Variants in RTN4 observed in about 807,000 individuals in gnomAD.
RTN4 encodes the protein reticulon-4.
In RTN4, 32 loss-of-function variants were observed where a neutral mutation model predicts 90.4. That is an observed-to-expected ratio of 0.35 (90% CI 0.27 to 0.48). The LOEUF is 0.48. Ranked by LOEUF, RTN4 falls within the 20% of genes least tolerant of loss-of-function variation. The pLI, the probability that RTN4 is intolerant of heterozygous loss-of-function variation, is 0.99. For missense variants in RTN4, 1,706 were observed against 1,430.2 expected (o/e 1.19, Z -3.11); for synonymous variants, 629 against 552.5 (o/e 1.14, Z -1.94).
intron 3 of RTN4, among the ~76,000 whole-genome samples, chr2:54,995,675 A>G (rs1182684555): frequency 6.6e-6 from 1 of 152,102 alleles, no homozygotes; most frequent in Non-Finnish European, 1.5e-5. Context: ...GCAGGAACCA[A>G]CCCTGGACAG....
chr2:55,078,173 T>C lies in RTN4; in HGVS notation c.-63+2316A>G, dbSNP rs182167895. Among the ~76,000 whole-genome samples, 50 of 152,206 alleles carry C rather than the reference T, an allele frequency of 3.3e-4. 1 individual carries two copies. Among genetic ancestry groups the C allele is most frequent in the African/African-American group, 1.1e-3 (44 of 41,552 alleles). On this transcript the variant is annotated intron_variant, in intron 2 of 3. Transcript: ENST00000427710. ...ACACAACCTTTTCCCAAAAAACCTATTGAAATAAAAAAAAAATTTAAAAGA... is the reference window on the plus strand; with the variant it reads ...ACACAACCTTTTCCCAAAAAACCTACTGAAATAAAAAAAAAATTTAAAAGA...
intron 3 of RTN4, among the ~76,000 whole-genome samples, chr2:54,993,336 G>T (rs981496907): frequency 2.0e-5 from 3 of 152,028 alleles, no homozygotes; most frequent in Non-Finnish European, 4.4e-5. Context: ...TTCCCAGTAG[G>T]CTTTCCTATT....
At chr2:55,095,454 T>C (rs539133333) in intron 1 of RTN4, among the ~76,000 whole-genome samples, 1 of 152,258 alleles carries the variant, frequency 6.6e-6, no homozygotes, top group Non-Finnish European at 1.5e-5. Context: ...CCATTTGTTA[T>C]AATTGATGAA....
chr2:55,072,149 A>T (rs1402551835), intron 2 of RTN4, among the ~76,000 whole-genome samples: 42 of 148,680 alleles, frequency 2.8e-4, no homozygotes, highest in East Asian at 1.2e-3. Flanking sequence ...GTTTTTAGTT[A>T]TTTTTTTTTT....
chr2:55,044,059 G>A (rs1051196179), intron 1 of RTN4, among the ~76,000 whole-genome samples: 2 of 151,952 alleles, frequency 1.3e-5, no homozygotes, highest in Admixed American at 1.3e-4. Context: ...AGCCGGGCGT[G>A]GTGGTACGTG....
intron 3 of RTN4, among the ~76,000 whole-genome samples, chr2:55,024,150 C>T (rs1036852126): frequency 2.0e-5 from 3 of 152,156 alleles, no homozygotes; most frequent in Non-Finnish European, 4.4e-5. Context: ...CTCATACTGC[C>T]ACCCATACAA....
In RTN4 at chr2:55,069,749, C is replaced by T. The variant is rs146349528; in HGVS notation, c.-63+10740G>A. Among the ~76,000 whole-genome samples the T allele has an allele frequency of 5.3e-3, 802 of 152,340 alleles. 1 individual carries two copies. Among genetic ancestry groups the T allele is most frequent in the Non-Finnish European group, 8.5e-3 (581 of 68,026 alleles). Reference sequence around the variant, plus strand: ...GGCACCTGCAGGGCCTGCACCTCCACCCATCACCCAATGTCCACGAAGTTC... The same window carrying T: ...GGCACCTGCAGGGCCTGCACCTCCATCCATCACCCAATGTCCACGAAGTTC... On this transcript the variant is annotated intron_variant, in intron 2 of 3. Coordinates refer to the RTN4 transcript ENST00000427710.
intron 1 of RTN4, 111 bp downstream of exon 1, chr2:55,049,630 GCAGA>G (rs1667981796): frequency 1.3e-6 from 2 of 1,499,986 alleles, no homozygotes; most frequent in Non-Finnish European, 1.8e-6. Context: ...CCCGAAGTCC[GCAGA>G]CAAAGCGCCC....
intron 3 of RTN4, among the ~76,000 whole-genome samples, chr2:55,018,998 A>G (rs1266156081): frequency 6.6e-6 from 1 of 152,154 alleles, no homozygotes; most frequent in Non-Finnish European, 1.5e-5. Flanking sequence ...ATATTTTGTT[A>G]GGCTAGAAAG....
intron 1 of RTN4, among the ~76,000 whole-genome samples, chr2:55,104,167 C>A (rs1028195896): frequency 1.3e-5 from 2 of 151,260 alleles, no homozygotes; most frequent in African/African-American, 2.4e-5. Flanking sequence ...TCTCCTGGGT[C>A]AGCCTCCCCA....
At chr2:55,036,290 G>C (rs1016289121) in intron 1 of RTN4, among the ~76,000 whole-genome samples, 19 of 152,128 alleles carry the variant, frequency 1.2e-4, no homozygotes, top group Middle Eastern at 3.4e-3. Flanking sequence ...AGGAAGGTGA[G>C]GTTGGTTTAA....
At chr2:55,048,852 G>A (rs1350242846) in intron 1 of RTN4, among the ~76,000 whole-genome samples, 2 of 152,164 alleles carry the variant, frequency 1.3e-5, no homozygotes, top group African/African-American at 2.4e-5. Context: ...CTTTAGGAAT[G>A]TCAACCATTT....
intron 1 of RTN4, chr2:55,048,949 G>T: frequency 4.5e-6 from 1 of 222,534 alleles, no homozygotes; most frequent in Non-Finnish European, 7.6e-6. Flanking sequence ...CTCCGACCCT[G>T]CAGCTGAAAC....
intron 5 of RTN4, among the ~76,000 whole-genome samples, chr2:54,975,608 C>A (rs1428111407): frequency 6.6e-6 from 1 of 152,174 alleles, no homozygotes; most frequent in East Asian, 1.9e-4. Context: ...GTACACCACC[C>A]ACTCTTAGCT....
At chr2:55,018,432 T>C (rs988931163) in intron 3 of RTN4, among the ~76,000 whole-genome samples, 1 of 152,146 alleles carries the variant, frequency 6.6e-6, no homozygotes, top group African/African-American at 2.4e-5. Context: ...AACAAACTAA[T>C]ACAAGTAATC....
At chr2:55,029,042 G>C (rs925241721) in intron 1 of RTN4, among the ~76,000 whole-genome samples, 22 of 152,288 alleles carry the variant, frequency 1.4e-4, no homozygotes, top group African/African-American at 4.3e-4. Context: ...GAGGTGATTA[G>C]GGTTAAATGC....
At chr2:55,002,206 G>A (rs1679898656) in intron 3 of RTN4, among the ~76,000 whole-genome samples, 2 of 151,900 alleles carry the variant, frequency 1.3e-5, no homozygotes, top group Admixed American at 1.3e-4. Context: ...CCATAGGCGT[G>A]CACCACCACA....
chr2:55,080,002 G>T (rs1316825679), intron 2 of RTN4, among the ~76,000 whole-genome samples: 1 of 152,108 alleles, frequency 6.6e-6, no homozygotes, highest in African/African-American at 2.4e-5. Context: ...GTAAACATTT[G>T]CTAGCATTAT....
At chr2:55,072,743 A>T (rs937010953) in intron 2 of RTN4, among the ~76,000 whole-genome samples, 2 of 152,198 alleles carry the variant, frequency 1.3e-5, no homozygotes, top group Non-Finnish European at 2.9e-5. Context: ...TAATTTTGAA[A>T]TTCCCCAAAG....
Sources: allele counts gnomAD v4.1 joint callset (sites outside exome capture counted in the v4.1 genomes callset), GRCh38; gene constraint gnomAD v4.1.1; transcripts MANE v1.5; gene names NCBI Gene and HGNC (gene_info 2026-07-23, HGNC 2026-07-21).